Variants in PCDHAC1 observed in about 807,000 individuals in gnomAD.
PCDHAC1 encodes protocadherin alpha-C1.
A neutral mutation model predicts 60.0 loss-of-function variants in PCDHAC1; 42 were observed. The observed-to-expected ratio is 0.70, with a 90% CI of 0.55 to 0.90. The LOEUF (loss-of-function observed/expected upper bound fraction) is 0.90, where lower values mean the gene tolerates loss of function less well. Among genes scored for constraint, PCDHAC1 ranks in the 40% least tolerant of loss-of-function variants. The pLI is 0.00. For synonymous variants in PCDHAC1, 468 were observed against 499.3 expected (o/e 0.94, Z 0.84); for missense variants, 1,160 against 1,222.3 (o/e 0.95, Z 0.76).
rs142471747 is a variant in PCDHAC1 at position 140,940,002 on chromosome 5, C to T, written c.2433+10677C>T. On this transcript the variant is annotated intron_variant, in intron 1 of 3. Transcript: ENST00000253807. ...TGAATTGTTTCTCCTTGGATTTTGT[C>T]AATTTTTTGTGTCATATGTTTTAAG... Among the ~76,000 whole-genome samples the T allele has an allele frequency of 5.4e-3, 828 of 152,138 alleles. 3 individuals carry two copies. The highest frequency in any genetic ancestry group is 0.019 in the African/African-American group (797 of 41,516).
intron 3 of PCDHAC1, among the ~76,000 whole-genome samples, chr5:140,985,189 G>A (rs1440212716): frequency 3.3e-5 from 5 of 152,004 alleles, no homozygotes; most frequent in African/African-American, 9.7e-5. Context: ...CGCCTGCCTC[G>A]GTCTCCCAAA....
intron 1 of PCDHAC1, chr5:140,967,158 T>G (rs1586192830): frequency 6.2e-7 from 1 of 1,610,448 alleles, no homozygotes. Context: ...CCCGTGGCGG[T>G]GAGCGCCGTT....
intron 1 of PCDHAC1, among the ~76,000 whole-genome samples, chr5:140,939,071 G>C (rs1376380334): frequency 2.0e-5 from 3 of 152,140 alleles, no homozygotes; most frequent in African/African-American, 7.2e-5. Context: ...TATCAAAATA[G>C]CATAAACTGG....
intron 1 of PCDHAC1, among the ~76,000 whole-genome samples, chr5:140,956,217 T>C (rs1554222303): frequency 1.1e-4 from 17 of 152,208 alleles, no homozygotes. Flanking sequence ...GGCATCCTTG[T>C]CTTGTGCTGG....
chr5:140,966,426 C>T, intron 1 of PCDHAC1: 1 of 421,820 alleles, frequency 2.4e-6, no homozygotes. Flanking sequence ...ACTTGCTGAG[C>T]CCTCCTACCG....
chr5:140,940,825 G>A (rs782539336), intron 1 of PCDHAC1, among the ~76,000 whole-genome samples: 53 of 152,232 alleles, frequency 3.5e-4, no homozygotes, highest in South Asian at 6.2e-4. Context: ...ATCTTGGATG[G>A]AAATACCTTT....
chr5:140,930,798 G>T (rs1339622831), intron 1 of PCDHAC1, among the ~76,000 whole-genome samples: 1 of 152,094 alleles, frequency 6.6e-6, no homozygotes, highest in Non-Finnish European at 1.5e-5. Flanking sequence ...ATAGAATCCA[G>T]CATATAAGAT....
rs557916636 is a variant in PCDHAC1, at chr5:141,000,518, C to G, written c.2582-9109C>G. The stretch of plus-strand genomic sequence containing the variant: ...TCTCGGCTCACTGCAACCTCCTTCT[C>G]CAGGGTTCAAGTGATTCTCATGCCT... On this transcript the variant is annotated intron_variant, in intron 3 of 3. Transcript: ENST00000253807. Among the ~76,000 whole-genome samples the G allele has an allele frequency of 6.9e-4, 100 of 144,062 alleles. 3 individuals are homozygous for G. In the South Asian group the frequency reaches 0.021, roughly 31 times the overall value. 94.5% of individuals were successfully genotyped at this position (144,062 alleles called of 152,430 possible). A position where few individuals can be genotyped will look rare whatever the true frequency, so the allele number is the denominator to read the frequency against.
At chr5:141,001,723 A>T (rs936645287) in intron 3 of PCDHAC1, among the ~76,000 whole-genome samples, 1 of 152,168 alleles carries the variant, frequency 6.6e-6, no homozygotes, top group Non-Finnish European at 1.5e-5. Flanking sequence ...GGAGCTTGAG[A>T]TATTTTACAA....
intron 1 of PCDHAC1, among the ~76,000 whole-genome samples, chr5:140,943,783 C>A (rs1388163068): frequency 1.3e-5 from 2 of 152,102 alleles, no homozygotes; most frequent in Non-Finnish European, 2.9e-5. Context: ...AGGAAGTGGT[C>A]CTTTATGCAA....
intron 1 of PCDHAC1, among the ~76,000 whole-genome samples, chr5:140,955,186 G>A (rs246020): frequency 0.56 from 85,667 of 151,968 alleles, 24,773 homozygotes; most frequent in African/African-American, 0.69. Flanking sequence ...GTTTTGTGGT[G>A]TATATGAAGT....
At chr5:140,969,232 C>G in intron 1 of PCDHAC1, 1 of 1,614,066 alleles carries the variant, frequency 6.2e-7, no homozygotes, top group Non-Finnish European at 8.5e-7. Flanking sequence ...CTTCGGGAGC[C>G]CAAGCAGCAG....
rs191667063 is a variant in PCDHAC1 at position 140,957,933 on chromosome 5, T to G, written c.2434-21016T>G. Among the ~76,000 whole-genome samples the G allele has an allele frequency of 2.8e-3, 419 of 152,208 alleles. 2 individuals carry two copies. The highest frequency in any genetic ancestry group is 0.014 in the Middle Eastern group (4 of 294). ...GTTATCTATGTATCAAGCTAAATAA[T>G]TTAAAGATCTTTAAGACTATTAATT... is the stretch of plus-strand genomic sequence containing the variant. On this transcript the variant is annotated intron_variant, in intron 1 of 3. Transcript: ENST00000253807.
chr5:140,945,689 T>G (rs529270613), intron 1 of PCDHAC1, among the ~76,000 whole-genome samples: 30 of 152,170 alleles, frequency 2.0e-4, no homozygotes, highest in African/African-American at 7.0e-4. Context: ...ACAGTTACTG[T>G]CCACTGATTT....
At chr5:140,976,787 C>T (rs1460336492) in intron 1 of PCDHAC1, among the ~76,000 whole-genome samples, 3 of 152,150 alleles carry the variant, frequency 2.0e-5, no homozygotes, top group Admixed American at 6.5e-5. Flanking sequence ...TATATAGCTA[C>T]GCTTTTATGA....
intron 1 of PCDHAC1, among the ~76,000 whole-genome samples, chr5:140,953,094 C>A (rs2094845891): frequency 6.6e-6 from 1 of 152,172 alleles, no homozygotes; most frequent in South Asian, 2.1e-4. Flanking sequence ...TACAATTTGA[C>A]ATGAGATTTG....
intron 1 of PCDHAC1, among the ~76,000 whole-genome samples, chr5:140,964,913 A>G (rs1254329232): frequency 6.6e-6 from 1 of 152,202 alleles, no homozygotes; most frequent in African/African-American, 2.4e-5. Context: ...CTCTGGAATA[A>G]CACTGGCTAG....
rs1344675374 is a variant in PCDHAC1 at position 140,952,992 on chromosome 5, ACT to A, written c.2433+23673_2433+23674del. Among the ~76,000 whole-genome samples, 6 of 151,892 alleles carry A rather than the reference ACT, an allele frequency of 4.0e-5. No individual in the cohort carries two copies. In the East Asian group the frequency reaches 7.7e-4, roughly 20 times the overall value. On this transcript the variant is annotated intron_variant, in intron 1 of 3. Transcript: ENST00000253807. ...TTTTAAACAACAAGATCTCATGAGAACTCTCTCACTATTATGAGAACAACATT... is the reference window on the plus strand; with the variant it reads ...TTTTAAACAACAAGATCTCATGAGAACTCTCACTATTATGAGAACAACATT...
intron 1 of PCDHAC1, chr5:140,966,708 C>T (rs1033433543): frequency 1.7e-5 from 23 of 1,384,632 alleles, no homozygotes; most frequent in African/African-American, 6.1e-5. Context: ...GCGTGGGGCA[C>T]GGCTGGGGAA....
Sources: gnomAD v4.1 joint callset for allele counts (sites outside exome capture counted in the v4.1 genomes callset) on GRCh38, gnomAD v4.1.1 for gene constraint, MANE v1.5 for transcripts, NCBI Gene and HGNC (gene_info 2026-07-23, HGNC 2026-07-21) for gene names.